TMTC2: variants seen among roughly 807,000 people sequenced by gnomAD.
TMTC2 encodes protein O-mannosyl-transferase TMTC2.
Under a neutral mutation model 82.4 loss-of-function variants are expected in TMTC2, and 43 were observed. The ratio of observed to expected loss-of-function variants is 0.52; its 90% CI spans 0.41 to 0.67. TMTC2 has a LOEUF of 0.67. TMTC2 is among the 30% of genes least tolerant of loss of function. The pLI, the probability that TMTC2 is intolerant of heterozygous loss-of-function variation, is 0.00. For missense variants in TMTC2, 919 were observed against 1,012.4 expected, an observed-to-expected ratio of 0.91 and a Z score of 1.25; for synonymous variants, 408 against 381.9, an observed-to-expected ratio of 1.07 and a Z score of -0.80.
rs181706504 is a variant in TMTC2 at position 82,965,441 on chromosome 12, T to C, written c.1685-119T>C. On this transcript the variant is annotated intron_variant, in intron 5 of 11. Coordinates refer to ENST00000321196, the MANE Select transcript of TMTC2 (RefSeq NM_152588.3). ...ATCCCATGAGTATTTGTGTCATAAGTATTTTTTTCTTTTTTAATGAGCACT... is the reference window on the plus strand; with the variant it reads ...ATCCCATGAGTATTTGTGTCATAAGCATTTTTTTCTTTTTTAATGAGCACT... 2,237 of 1,009,912 alleles carry C rather than the reference T, an allele frequency of 2.2e-3. 12 individuals are homozygous for C. Among genetic ancestry groups the C allele is most frequent in the Non-Finnish European group, 1.6e-3 (1,138 of 693,250 alleles). The allele number at this position is 1,009,912 out of a possible 1,614,324, so 62.6% of individuals were successfully genotyped here. A position where few individuals can be genotyped will look rare whatever the true frequency, so the allele number is the denominator to read the frequency against.
chr12:83,001,992 C>T (rs983272573), intron 8 of TMTC2, among the ~76,000 whole-genome samples: 1 of 152,178 alleles, frequency 6.6e-6, no homozygotes, highest in Non-Finnish European at 1.5e-5. Context: ...ATGCTGGCTT[C>T]ATAGAATGAG....
chr12:82,931,361 G>A (rs1418038317), intron 4 of TMTC2, among the ~76,000 whole-genome samples: 2 of 152,126 alleles, frequency 1.3e-5, no homozygotes. Flanking sequence ...TATCAGTGAG[G>A]TTGGGATAGT....
chr12:83,016,928 G>A (rs990991880), intron 8 of TMTC2, among the ~76,000 whole-genome samples: 7 of 152,134 alleles, frequency 4.6e-5, no homozygotes, highest in African/African-American at 1.7e-4. Flanking sequence ...ACTTAGAATA[G>A]CGCCTGATGC....
At chr12:82,807,528 TCAGAGACAATGCATGA>T (rs1193513122) in intron 1 of TMTC2, among the ~76,000 whole-genome samples, 4 of 152,112 alleles carry the variant, frequency 2.6e-5, no homozygotes, top group Non-Finnish European at 4.4e-5. Context: ...CTTAGAAGCA[TCAGAGACAATGCATGA>T]CAGAGACAAT....
At chr12:82,905,945 C>CA (rs75917698) in intron 3 of TMTC2, among the ~76,000 whole-genome samples, 3,055 of 95,366 alleles carry the variant, frequency 0.032, 88 homozygotes, top group African/African-American at 0.094. Flanking sequence ...AACTCTGTCT[C>CA]AAAAAAAAAA....
At chr12:83,062,782 G>T (rs1565874037) in intron 11 of TMTC2, among the ~76,000 whole-genome samples, 2 of 151,726 alleles carry the variant, frequency 1.3e-5, no homozygotes, top group Non-Finnish European at 2.9e-5. Context: ...TTATACAGAG[G>T]TATATACAGT....
intron 1 of TMTC2, among the ~76,000 whole-genome samples, chr12:82,763,429 A>C (rs1226505798): frequency 1.3e-5 from 2 of 152,240 alleles, no homozygotes; most frequent in African/African-American, 4.8e-5. Flanking sequence ...AGGACTGTCC[A>C]CTTAAAACCA....
At chr12:82,826,452 T>C (rs1869426985) in intron 1 of TMTC2, among the ~76,000 whole-genome samples, 1 of 152,230 alleles carries the variant, frequency 6.6e-6, no homozygotes, top group South Asian at 2.1e-4. Flanking sequence ...TGAAGATTTT[T>C]CTTGTTCCCT....
At chr12:82,730,422 G>A (rs182123519) in intron 1 of TMTC2, among the ~76,000 whole-genome samples, 15 of 151,140 alleles carry the variant, frequency 9.9e-5, no homozygotes, top group African/African-American at 3.6e-4. Context: ...TAGTCTGGGG[G>A]TCACTCAGAC....
intron 7 of TMTC2, among the ~76,000 whole-genome samples, chr12:82,968,294 A>T (rs1592664200): frequency 6.6e-6 from 1 of 152,110 alleles, no homozygotes; most frequent in African/African-American, 2.4e-5. Context: ...TTGCCATTAA[A>T]TTTTTATAAA....
chr12:82,922,127 T>G (rs1384104147), intron 3 of TMTC2, among the ~76,000 whole-genome samples: 1 of 152,130 alleles, frequency 6.6e-6, no homozygotes, highest in Non-Finnish European at 1.5e-5. Context: ...CATTTGTAAC[T>G]GTTATTTACA....
At position 83,112,895 on chromosome 12, in the gene TMTC2, G is replaced by A. The variant is rs143003131; in HGVS notation, c.2332-19315G>A. ...AACATCATTTTGTGATTTTGTAAAC[G>A]TATTTGACCCATACCATATAATCAT... On this transcript the variant is annotated intron_variant, in intron 11 of 11. Coordinates refer to ENST00000321196, the MANE Select transcript of TMTC2 (RefSeq NM_152588.3). 2.8e-4 allele frequency among the ~76,000 whole-genome samples: 42 copies of A among 152,268 alleles called. No individual in the cohort carries two copies. The Middle Eastern group carries it at 0.01, about 37-fold the overall frequency.
chr12:83,060,623 A>AT (rs1882706869), intron 10 of TMTC2, among the ~76,000 whole-genome samples: 2 of 151,602 alleles, frequency 1.3e-5, no homozygotes, highest in Admixed American at 1.3e-4. Context: ...TGAATTTGGC[A>AT]TTTTCCTGTA....
chr12:82,800,901 G>A (rs1878965160), intron 1 of TMTC2, among the ~76,000 whole-genome samples: 1 of 152,110 alleles, frequency 6.6e-6, no homozygotes, highest in African/African-American at 2.4e-5. Context: ...AACAAAGAGG[G>A]GGTTAAATCA....
intron 1 of TMTC2, among the ~76,000 whole-genome samples, chr12:82,830,251 T>G (rs796705833): frequency 3.3e-5 from 5 of 152,248 alleles, no homozygotes; most frequent in African/African-American, 1.2e-4. Context: ...TCTATTGTGT[T>G]TTTATAATTG....
At chr12:82,719,382 G>A (rs1054275658) in intron 1 of TMTC2, among the ~76,000 whole-genome samples, 1 of 151,932 alleles carries the variant, frequency 6.6e-6, no homozygotes, top group African/African-American at 2.4e-5. Context: ...ATAAGCCACC[G>A]TGCCCAGCCT....
chr12:82,850,107 G>T (rs1188641567), intron 1 of TMTC2, among the ~76,000 whole-genome samples: 1 of 152,012 alleles, frequency 6.6e-6, no homozygotes, highest in Non-Finnish European at 1.5e-5. Context: ...GAGAATAGAT[G>T]TGGGCTATTC....
chr12:82,784,233 A>T (rs1406225259), intron 1 of TMTC2, among the ~76,000 whole-genome samples: 1 of 152,058 alleles, frequency 6.6e-6, no homozygotes, highest in Non-Finnish European at 1.5e-5. Context: ...GAAGTTCCAG[A>T]TATTTTTCCC....
At chr12:82,945,741 T>G (rs1876958555) in intron 4 of TMTC2, among the ~76,000 whole-genome samples, 1 of 152,230 alleles carries the variant, frequency 6.6e-6, no homozygotes, top group South Asian at 2.1e-4. Context: ...AGATTTCCAA[T>G]TACTGTGAGT....
Sources: allele counts gnomAD v4.1 joint callset (sites outside exome capture counted in the v4.1 genomes callset), GRCh38; gene constraint gnomAD v4.1.1; transcripts MANE v1.5; gene names NCBI Gene and HGNC (gene_info 2026-07-23, HGNC 2026-07-21).